FHOD3: variants seen among roughly 807,000 people sequenced by gnomAD.
FHOD3 encodes FH1/FH2 domain-containing protein 3.
FHOD3 carries 90 observed loss-of-function variants against 173.0 expected under a neutral mutation model. The observed-to-expected ratio is 0.52, with a 90% CI of 0.44 to 0.62. FHOD3 has a LOEUF of 0.62. Among genes scored for constraint, FHOD3 ranks in the 20% least tolerant of loss-of-function variants. The pLI, the probability that FHOD3 is intolerant of heterozygous loss-of-function variation, is 0.00. For synonymous variants in FHOD3, 828 were observed against 823.0 expected (o/e 1.01, Z -0.10); for missense variants, 1,945 against 2,034.7 (o/e 0.96, Z 0.85).
rs541071207 is a variant in FHOD3, at chr18:36,528,442, A to G, written c.511+15899A>G. Among the ~76,000 whole-genome samples the G allele has an allele frequency of 2.6e-5, 4 of 152,300 alleles. No homozygotes were observed. The South Asian group carries it at 8.3e-4, about 32-fold the overall frequency. On this transcript the variant is annotated intron_variant, in intron 5 of 28. Transcript: ENST00000590592. ...AGAGCCCTGTGTTTCTCAGAAATAA[A>G]GCCTGTCTTTCTATGGCTCACCTTC...
intron 3 of FHOD3, among the ~76,000 whole-genome samples, chr18:36,445,846 A>G (rs771726680): frequency 4.3e-4 from 66 of 152,210 alleles, no homozygotes; most frequent in Non-Finnish European, 5.1e-4. Context: ...AGCCACAGCC[A>G]TCAGGGTTAT....
chr18:36,627,170 A>G (rs1395184771), intron 10 of FHOD3, among the ~76,000 whole-genome samples: 2 of 152,166 alleles, frequency 1.3e-5, no homozygotes, highest in Non-Finnish European at 2.9e-5. Context: ...ATTCTCAAAG[A>G]AAAAGCCCTC....
intron 4 of FHOD3, among the ~76,000 whole-genome samples, chr18:36,510,787 TTTTC>T (rs1305849043): frequency 6.6e-6 from 1 of 152,232 alleles, no homozygotes; most frequent in Non-Finnish European, 1.5e-5. Context: ...TATTGTCCCA[TTTTC>T]TTTCTTCCAA....
rs1235383435 is a variant in FHOD3 at position 36,759,078 on chromosome 18, C to T, written c.4426-40C>T. On this transcript the variant is annotated intron_variant, in intron 25 of 28. Transcript: ENST00000590592. The stretch of plus-strand genomic sequence containing the variant: ...CTTCTGTGCCTTCTAAGAATCCCTT[C>T]TGTCTTTTCCGTCCTGTCCTGTCCT... The T allele has an allele frequency of 4.6e-6, 7 of 1,534,910 alleles. 1 individual carries two copies. The Admixed American group carries it at 1.4e-4, about 30-fold the overall frequency.
At chr18:36,389,405 G>A (rs1306476443) in intron 3 of FHOD3, among the ~76,000 whole-genome samples, 1 of 152,172 alleles carries the variant, frequency 6.6e-6, no homozygotes, top group African/African-American at 2.4e-5. Context: ...AATGCACAGG[G>A]TTCTTCTGCA....
chr18:36,694,788 G>C (rs2149512964), intron 17 of FHOD3, among the ~76,000 whole-genome samples: 1 of 152,242 alleles, frequency 6.6e-6, no homozygotes, highest in East Asian at 1.9e-4. Flanking sequence ...AATGTCATTT[G>C]TCCTCAAATT....
intron 10 of FHOD3, among the ~76,000 whole-genome samples, chr18:36,636,586 T>C (rs1430626758): frequency 6.6e-6 from 1 of 151,930 alleles, no homozygotes; most frequent in Admixed American, 6.5e-5. Context: ...CCAGAGACTA[T>C]TATATCACAC....
intron 10 of FHOD3, among the ~76,000 whole-genome samples, chr18:36,633,409 G>T (rs2034653043): frequency 6.6e-6 from 1 of 152,176 alleles, no homozygotes; most frequent in Non-Finnish European, 1.5e-5. Flanking sequence ...GGAGTTGGGG[G>T]ATACTCTCCT....
intron 11 of FHOD3, among the ~76,000 whole-genome samples, 199 bp from the exon 12 acceptor site, chr18:36,652,371 G>A (rs545062474): frequency 6.6e-6 from 1 of 152,358 alleles, no homozygotes; most frequent in South Asian, 2.1e-4. Flanking sequence ...GACAAACTCA[G>A]CATGTCAGGA....
chr18:36,592,318 C>T (rs141622815), intron 6 of FHOD3, among the ~76,000 whole-genome samples: 1 of 152,196 alleles, frequency 6.6e-6, no homozygotes, highest in Non-Finnish European at 1.5e-5. Context: ...TTTCTCTGAT[C>T]TGAAGGATGA....
chr18:36,595,688 C>T (rs899229649), intron 7 of FHOD3, among the ~76,000 whole-genome samples: 1 of 152,208 alleles, frequency 6.6e-6, no homozygotes, highest in Non-Finnish European at 1.5e-5. Flanking sequence ...GCTGCAAACA[C>T]GTGGCGAAGA....
At chr18:36,458,901 C>G (rs893931691) in intron 3 of FHOD3, among the ~76,000 whole-genome samples, 1 of 152,104 alleles carries the variant, frequency 6.6e-6, no homozygotes, top group African/African-American at 2.4e-5. Flanking sequence ...TGCACGTATC[C>G]TTTCACACAT....
intron 5 of FHOD3, among the ~76,000 whole-genome samples, chr18:36,550,191 A>G (rs2057588245): frequency 6.7e-6 from 1 of 148,954 alleles, no homozygotes; most frequent in Admixed American, 6.7e-5. Context: ...GTGTTTGTAT[A>G]TATATGTATA....
At chr18:36,779,038 C>T (rs1400108969) in intron 28 of FHOD3, 1 of 168,832 alleles carries the variant, frequency 5.9e-6, no homozygotes, top group African/African-American at 2.4e-5. Context: ...GCATTTTCCC[C>T]TGCTCTGGAA....
intron 1 of FHOD3, among the ~76,000 whole-genome samples, chr18:36,305,254 C>T (rs1347290222): frequency 6.6e-6 from 1 of 152,168 alleles, no homozygotes; most frequent in East Asian, 1.9e-4. Flanking sequence ...AACTCCTCTT[C>T]ACCAGTTAGT....
chr18:36,524,018 C>T (rs1171256153), intron 5 of FHOD3, among the ~76,000 whole-genome samples: 1 of 152,144 alleles, frequency 6.6e-6, no homozygotes, highest in Non-Finnish European at 1.5e-5. Context: ...TGGTGGCTTA[C>T]ACCTGTAATC....
At chr18:36,298,461 C>A (rs1685050879) in intron 1 of FHOD3, among the ~76,000 whole-genome samples, 3 of 152,202 alleles carry the variant, frequency 2.0e-5, no homozygotes, top group African/African-American at 7.2e-5. Flanking sequence ...CTCCCTCAGG[C>A]CTCTGGGGCC....
chr18:36,330,464 G>A (rs919077433), intron 1 of FHOD3, among the ~76,000 whole-genome samples: 6 of 152,198 alleles, frequency 3.9e-5, no homozygotes, highest in Admixed American at 2.0e-4. Flanking sequence ...GACTTGCCTT[G>A]TTACTTTTCC....
At chr18:36,501,851 GT>G in intron 3 of FHOD3, 80 bp from the exon 4 acceptor site, 1 of 983,138 alleles carries the variant, frequency 1.0e-6, no homozygotes, top group Non-Finnish European at 1.5e-6. Context: ...GGATAGTTTT[GT>G]TATCATTCAT....
Sources: gnomAD v4.1 joint callset for allele counts (sites outside exome capture counted in the v4.1 genomes callset) on GRCh38, gnomAD v4.1.1 for gene constraint, MANE v1.5 for transcripts, NCBI Gene and HGNC (gene_info 2026-07-23, HGNC 2026-07-21) for gene names.